Variants in AP1G1 observed in about 807,000 individuals in gnomAD.
The protein encoded by AP1G1 is AP-1 complex subunit gamma-1.
Under a neutral mutation model 108.3 loss-of-function variants are expected in AP1G1, and 7 were observed. The observed-to-expected ratio is 0.06, with a 90% CI of 0.04 to 0.12. The LOEUF is 0.12. Among genes scored for constraint, AP1G1 ranks in the 10% least tolerant of loss-of-function variants. AP1G1 has a pLI of 1.00. For synonymous variants in AP1G1, 379 were observed against 353.5 expected (o/e 1.07, Z -0.81); for missense variants, 756 against 1,010.7 (o/e 0.75, Z 3.42).
chr16:71,765,855 A>G (rs1452062714), intron 6 of AP1G1, among the ~76,000 whole-genome samples: 1 of 152,214 alleles, frequency 6.6e-6, no homozygotes, highest in African/African-American at 2.4e-5. Flanking sequence ...ATATTGGGTC[A>G]GAAAGCCTAT....
Position 71,805,571 on chromosome 16 carries a change from T to C in AP1G1, c.-4+3192A>G, listed in dbSNP as rs549131199. Among the ~76,000 whole-genome samples the C allele has an allele frequency of 4.6e-5, 7 of 152,358 alleles. No individual in the cohort carries two copies. In the South Asian group the frequency reaches 1.2e-3, roughly 27 times the overall value. On this transcript the variant is annotated intron_variant, in intron 1 of 22. Transcript: ENST00000299980. ...CTAAGTAAGAGTTTTAAAGTTTTGATAGCAATTAAGTCCTGCTATATACAC... is the reference window on the plus strand; with the variant it reads ...CTAAGTAAGAGTTTTAAAGTTTTGACAGCAATTAAGTCCTGCTATATACAC...
chr16:71,783,447 C>CTATTTG (rs1405373364), intron 2 of AP1G1, among the ~76,000 whole-genome samples: 2 of 152,118 alleles, frequency 1.3e-5, no homozygotes, highest in South Asian at 4.2e-4. Flanking sequence ...TTAAAGGATA[C>CTATTTG]TATTTGCAAC....
At chr16:71,807,324 T>A (rs1405072426) in intron 1 of AP1G1, among the ~76,000 whole-genome samples, 7 of 152,158 alleles carry the variant, frequency 4.6e-5, no homozygotes, top group Non-Finnish European at 8.8e-5. Flanking sequence ...CCCAGCTACT[T>A]GGGAGGCTGA....
Position 71,764,463 on chromosome 16 carries a change from C to T in AP1G1, c.820-15G>A, listed in dbSNP as rs773301161. On this transcript the variant is annotated splice_polypyrimidine_tract_variant and intron_variant, in intron 8 of 22. Transcript: ENST00000299980. ...TTAGTGGCAACCTGAAAAGACATAT[C>T]GAGGGCAGTACATAAGTGATAAAAA... The T allele has an allele frequency of 1.2e-5, 18 of 1,529,456 alleles. No individual in the cohort carries two copies. The highest frequency in any genetic ancestry group is 1.5e-5 in the Non-Finnish European group (17 of 1,108,476). The allele number at this position is 1,529,456 out of a possible 1,614,324, so 94.7% of individuals were successfully genotyped here.
chr16:71,794,812 C>T (rs1426052941), intron 1 of AP1G1, among the ~76,000 whole-genome samples: 1 of 136,284 alleles, frequency 7.3e-6, no homozygotes, highest in African/African-American at 2.7e-5. Flanking sequence ...TACAGCAATA[C>T]CATTCTCAGG....
intron 6 of AP1G1, chr16:71,767,834 C>T: frequency 6.3e-7 from 1 of 1,589,770 alleles, no homozygotes; most frequent in Non-Finnish European, 8.5e-7. Flanking sequence ...CTACTAAGGA[C>T]CTAATGCCAG....
intron 6 of AP1G1, among the ~76,000 whole-genome samples, chr16:71,768,992 A>C (rs1354922394): frequency 6.9e-6 from 1 of 145,468 alleles, no homozygotes; most frequent in African/African-American, 2.5e-5. Flanking sequence ...AAAAAAAAAA[A>C]AAAAAACAGG....
intron 13 of AP1G1, 75 bp from the exon 14 acceptor site, chr16:71,750,407 C>T: frequency 2.6e-6 from 4 of 1,558,226 alleles, no homozygotes; most frequent in Non-Finnish European, 2.6e-6. Context: ...ATTATTATTA[C>T]TGTGTGTTTT....
chr16:71,789,380 T>C lies in AP1G1; in HGVS notation c.100A>G (p.Ile34Val), dbSNP rs755237700. 6.2e-7 allele frequency: 1 copy of C among 1,614,232 alleles called. No individual in the cohort carries two copies. The highest frequency in any genetic ancestry group is 1.1e-5 in the South Asian group (1 of 91,090). Residue 34 changes from isoleucine to valine, a missense_variant, in exon 2 of 23, where the codon ATC becomes GTC. By Grantham distance (29) the Ile-to-Val change is conservative. This residue lies in a region of AP1G1 where 304 missense variants were observed against 483.6 expected (regional missense o/e 0.63). Transcript: ENST00000299980. ...TCTTCTTCTCTAAAAGATGACCGGATTGCAGCACATTCTTTCTGGATCATT... is the reference window on the plus strand; with the variant it reads ...TCTTCTTCTCTAAAAGATGACCGGACTGCAGCACATTCTTTCTGGATCATT... ...REMIQKECAA[I>V]RSSFREEDNT...
chr16:71,804,756 C>A lies in AP1G1; in HGVS notation c.-4+4007G>T, dbSNP rs181524731. Among the ~76,000 whole-genome samples, 6 of 152,258 alleles carry A rather than the reference C, an allele frequency of 3.9e-5. No individual in the cohort carries two copies. The East Asian group carries it at 9.6e-4, about 24-fold the overall frequency. On this transcript the variant is annotated intron_variant, in intron 1 of 22. Coordinates refer to ENST00000299980, the MANE Select transcript of AP1G1 (RefSeq NM_001128.6). ...TGTGGGCAAGGCATGGTGGCACACA[C>A]CTTTAATACCAGCACTTTGGGAGAC...
chr16:71,733,716 TC>T (rs1377507823), intron 22 of AP1G1, among the ~76,000 whole-genome samples: 1 of 152,082 alleles, frequency 6.6e-6, no homozygotes, highest in African/African-American at 2.4e-5. Flanking sequence ...AAACCTTGTA[TC>T]CAAGTCTCTT....
At chr16:71,805,915 G>A (rs2032982254) in intron 1 of AP1G1, among the ~76,000 whole-genome samples, 1 of 152,032 alleles carries the variant, frequency 6.6e-6, no homozygotes. Context: ...CAGCTACGTG[G>A]AGGGCTGAGG....
chr16:71,786,969 A>G (rs1481875164), intron 2 of AP1G1, among the ~76,000 whole-genome samples: 1 of 151,962 alleles, frequency 6.6e-6, no homozygotes, highest in East Asian at 1.9e-4. Flanking sequence ...GTAGAAAGTA[A>G]GCCTGAGGTG....
intron 13 of AP1G1, among the ~76,000 whole-genome samples, chr16:71,752,177 CA>C (rs1407929915): frequency 3.9e-5 from 6 of 151,930 alleles, no homozygotes; most frequent in African/African-American, 1.2e-4. Context: ...AAAATAAAAT[CA>C]GGGGCACAAA....
At chr16:71,753,707 CCTAA>C (rs2030625138) in intron 13 of AP1G1, 122 bp downstream of exon 13, 13 of 825,188 alleles carry the variant, frequency 1.6e-5, no homozygotes, top group South Asian at 6.3e-5. Flanking sequence ...GGCATTTATT[CCTAA>C]CTGACATTAA....
intron 9 of AP1G1, among the ~76,000 whole-genome samples, 200 bp downstream of exon 9, chr16:71,764,150 C>T (rs1243826642): frequency 1.3e-5 from 2 of 152,106 alleles, no homozygotes; most frequent in Non-Finnish European, 2.9e-5. Context: ...CCTGAGATCT[C>T]CCAAAGTTTA....
At chr16:71,758,761 T>G in intron 11 of AP1G1, 47 bp downstream of exon 11, 1 of 1,171,106 alleles carries the variant, frequency 8.5e-7, no homozygotes, top group South Asian at 1.3e-5. Context: ...AATCTGTCAC[T>G]CAATTTACCA....
intron 15 of AP1G1, among the ~76,000 whole-genome samples, 165 bp downstream of exon 15, chr16:71,749,729 G>A (rs946987510): frequency 6.6e-6 from 1 of 151,964 alleles, no homozygotes; most frequent in Non-Finnish European, 1.5e-5. Flanking sequence ...GGGCTCAAGC[G>A]ATGCTCCCAT....
At chr16:71,738,879 A>G (rs1238448500) in intron 21 of AP1G1, 63 bp downstream of exon 21, 1 of 1,410,182 alleles carries the variant, frequency 7.1e-7, no homozygotes, top group Non-Finnish European at 9.7e-7. Context: ...TACCAAACAC[A>G]TGAAAAAAAA....
Sources: allele counts gnomAD v4.1 joint callset (sites outside exome capture counted in the v4.1 genomes callset), GRCh38; gene constraint gnomAD v4.1.1; regional missense constraint gnomAD v4.1.1; transcripts MANE v1.5; gene names NCBI Gene and HGNC (gene_info 2026-07-23, HGNC 2026-07-21).